IGFL2: variants seen among roughly 807,000 people sequenced by gnomAD.
IGFL2 encodes the protein IGF like family member 2, also known as insulin growth factor-like family member 2.
IGFL2 carries 7 observed loss-of-function variants against 13.9 expected under a neutral mutation model. The ratio of observed to expected loss-of-function variants is 0.51; its 90% confidence interval spans 0.29 to 0.95. The LOEUF is 0.95. Among genes scored for constraint, IGFL2 ranks in the 40% least tolerant of loss-of-function variants. IGFL2 has a pLI of 0.08. For missense variants in IGFL2, 138 were observed against 147.8 expected, an observed-to-expected ratio of 0.93 and a Z score of 0.34; for synonymous variants, 55 against 55.8, an observed-to-expected ratio of 0.99 and a Z score of 0.07.
At chr19:46,186,641 C>G in the IGFL2 span, among the ~76,000 whole-genome samples, 1 of 152,236 alleles carries the variant, frequency 6.6e-6, no homozygotes, top group Non-Finnish European at 1.5e-5. Context: ...AAACCTCTAT[C>G]CAGTTGATAG....
chr19:46,097,170 TTTA>T, the IGFL2 span, among the ~76,000 whole-genome samples: 4 of 152,216 alleles, frequency 2.6e-5, no homozygotes, highest in African/African-American at 4.8e-5. Flanking sequence ...TGGTAGACTA[TTTA>T]TTACTGCCTC....
At chr19:46,176,502 A>G in the IGFL2 span, among the ~76,000 whole-genome samples, 1 of 152,088 alleles carries the variant, frequency 6.6e-6, no homozygotes, top group Non-Finnish European at 1.5e-5. Flanking sequence ...TCTGGGAGAA[A>G]CCCTCAACCA....
the IGFL2 span, among the ~76,000 whole-genome samples, chr19:46,182,074 A>G: frequency 2.6e-5 from 4 of 152,092 alleles, no homozygotes; most frequent in Admixed American, 2.6e-4. Context: ...TTTTCAGTGG[A>G]TAAAGAATTC....
chr19:46,090,702 G>A, the IGFL2 span, among the ~76,000 whole-genome samples: 2 of 152,340 alleles, frequency 1.3e-5, no homozygotes, highest in Middle Eastern at 6.8e-3. Flanking sequence ...GGCTGCTGGT[G>A]CCTGCCTACT....
the IGFL2 span, among the ~76,000 whole-genome samples, chr19:46,176,055 A>G: frequency 2.6e-5 from 3 of 117,020 alleles, no homozygotes; most frequent in East Asian, 4.6e-4. Context: ...GGGTTTCACC[A>G]CGTTGGTCAG....
chr19:46,087,833 C>T, the IGFL2 span, among the ~76,000 whole-genome samples: 3 of 152,096 alleles, frequency 2.0e-5, no homozygotes, highest in Admixed American at 6.6e-5. Flanking sequence ...CCAGGGATAT[C>T]GGGATGTGAG....
At chr19:46,149,952 A>G (rs1256246196) in intron 1 of IGFL2, among the ~76,000 whole-genome samples, 2 of 152,214 alleles carry the variant, frequency 1.3e-5, no homozygotes, top group Non-Finnish European at 2.9e-5. Flanking sequence ...GGAATTGGCA[A>G]ACTGTTTTCC....
chr19:46,215,328 G>A, the IGFL2 span, among the ~76,000 whole-genome samples: 2 of 151,984 alleles, frequency 1.3e-5, no homozygotes, highest in African/African-American at 2.4e-5. Context: ...TTTAAGTCTT[G>A]TAATTTTTGA....
chr19:46,170,711 T>TG, the IGFL2 span, among the ~76,000 whole-genome samples: 1 of 152,180 alleles, frequency 6.6e-6, no homozygotes, highest in Non-Finnish European at 1.5e-5. Flanking sequence ...ATGGCCACTC[T>TG]GGGGGTGTCT....
the IGFL2 span, among the ~76,000 whole-genome samples, chr19:46,193,786 A>G: frequency 6.6e-6 from 1 of 152,102 alleles, no homozygotes; most frequent in Non-Finnish European, 1.5e-5. Flanking sequence ...CTTCGATGTA[A>G]TGATGCTGCT....
At chr19:46,185,775 A>G in the IGFL2 span, among the ~76,000 whole-genome samples, 4 of 152,192 alleles carry the variant, frequency 2.6e-5, no homozygotes, top group Admixed American at 6.5e-5. Context: ...TATAACCTTG[A>G]CTAAAGTTTA....
the IGFL2 span, among the ~76,000 whole-genome samples, chr19:46,095,283 T>C: frequency 0.013 from 2,021 of 152,370 alleles, 31 homozygotes; most frequent in Middle Eastern, 0.027. Context: ...TGATCAGTGA[T>C]GTTGAGCTTT....
At chr19:46,140,065 T>C (rs1405897006), upstream of IGFL2, among the ~76,000 whole-genome samples, 3 of 152,094 alleles carry the variant, frequency 2.0e-5, 1 homozygote, top group Non-Finnish European at 2.9e-5. Flanking sequence ...TTCTCCTGCC[T>C]CAGCCTCCTG....
At chr19:46,211,774 G>C in the IGFL2 span, 2 of 152,126 alleles carry the variant, frequency 1.3e-5, no homozygotes, top group Non-Finnish European at 2.9e-5. Flanking sequence ...TGGTCTCTCT[G>C]AGAAAGGAAG....
At chr19:46,111,838 C>A in the IGFL2 span, 1 of 152,066 alleles carries the variant, frequency 6.6e-6, no homozygotes, top group Admixed American at 6.5e-5. Context: ...ACAAGTTTTG[C>A]CATTAGAAAA....
the IGFL2 span, among the ~76,000 whole-genome samples, chr19:46,095,691 T>C: frequency 1.3e-5 from 2 of 152,190 alleles, no homozygotes; most frequent in Non-Finnish European, 2.9e-5. Context: ...CCAATCCATC[T>C]TGAGTTAATT....
chr19:46,160,047 T>C, intron 1 of IGFL2: 1 of 291,164 alleles, frequency 3.4e-6, no homozygotes. Context: ...ACCCCAGTTC[T>C]CCACTTGCCA....
the IGFL2 span, among the ~76,000 whole-genome samples, chr19:46,130,419 A>G: frequency 6.6e-6 from 1 of 152,172 alleles, no homozygotes; most frequent in African/African-American, 2.4e-5. Flanking sequence ...AGTTTTGATA[A>G]ATATTTTAGT....
At chr19:46,153,762 A>G (rs1973642575) in intron 1 of IGFL2, among the ~76,000 whole-genome samples, 1 of 150,488 alleles carries the variant, frequency 6.6e-6, no homozygotes, top group Admixed American at 6.6e-5. Context: ...TTATGGTTTT[A>G]GCTGGGTTCT....
Sources: gnomAD v4.1 joint callset for allele counts (sites outside exome capture counted in the v4.1 genomes callset) on GRCh38, gnomAD v4.1.1 for gene constraint, MANE v1.5 for transcripts, NCBI Gene and HGNC (gene_info 2026-07-23, HGNC 2026-07-21) for gene names.